Variants in CTNNA3 observed in about 807,000 individuals in gnomAD.
CTNNA3 encodes catenin alpha-3.
In CTNNA3, 76 loss-of-function variants were observed where a neutral mutation model predicts 95.7. The observed-to-expected ratio is 0.79, with a 90% CI of 0.66 to 0.96. The LOEUF (loss-of-function observed/expected upper bound fraction) is 0.96. Among genes scored for constraint, CTNNA3 ranks in the 40% least tolerant of loss-of-function variants. The pLI is 0.00. For missense variants in CTNNA3, 1,191 were observed against 1,089.8 expected (o/e 1.09, Z -1.31); for synonymous variants, 431 against 374.4 (o/e 1.15, Z -1.74).
At chr10:66,573,169 A>G (rs1842918665) in intron 10 of CTNNA3, among the ~76,000 whole-genome samples, 1 of 152,210 alleles carries the variant, frequency 6.6e-6, no homozygotes. Context: ...CTAGTTCACT[A>G]AAGTGTGATA....
At position 67,648,399 on chromosome 10, in the gene CTNNA3, G is replaced by C. The variant is rs538971016; in HGVS notation, c.-5-881C>G. ...CCACTGGCATCGTTGATTGCAAAGA[G>C]AGAGCACACTTCCTGAAATGTAGCA... On this transcript the variant is annotated intron_variant, in intron 1 of 17. Coordinates refer to ENST00000433211, the MANE Select transcript of CTNNA3 (RefSeq NM_013266.4). Among the ~76,000 whole-genome samples the C allele has an allele frequency of 5.9e-5, 9 of 152,276 alleles. No individual in the cohort carries two copies. The South Asian group carries it at 1.7e-3, about 28-fold the overall frequency.
At chr10:66,907,114 T>A (rs959545403) in intron 7 of CTNNA3, among the ~76,000 whole-genome samples, 4 of 152,168 alleles carry the variant, frequency 2.6e-5, no homozygotes, top group Non-Finnish European at 4.4e-5. Context: ...CAAAAATGTA[T>A]CTCTGTTCAT....
chr10:66,929,250 A>G (rs1053286989), intron 7 of CTNNA3, among the ~76,000 whole-genome samples: 16 of 152,248 alleles, frequency 1.1e-4, no homozygotes, highest in African/African-American at 3.6e-4. Context: ...TAAATGAAAC[A>G]GCATTGAGAA....
At chr10:65,962,162 C>G (rs1238887547) in intron 17 of CTNNA3, among the ~76,000 whole-genome samples, 2 of 152,124 alleles carry the variant, frequency 1.3e-5, no homozygotes, top group East Asian at 1.9e-4. Flanking sequence ...TGGCATCCAA[C>G]ATATTTTCAC....
intron 11 of CTNNA3, among the ~76,000 whole-genome samples, chr10:66,451,082 A>T (rs2093460814): frequency 1.3e-5 from 2 of 151,966 alleles, no homozygotes; most frequent in Non-Finnish European, 2.9e-5. Context: ...ACACACATAC[A>T]CTCACATACA....
chr10:66,283,541 C>G (rs2091530733), intron 12 of CTNNA3, among the ~76,000 whole-genome samples: 1 of 151,810 alleles, frequency 6.6e-6, no homozygotes, highest in Non-Finnish European at 1.5e-5. Flanking sequence ...CAAAAAAATA[C>G]AACACAGCCT....
In CTNNA3 at chr10:65,969,120, A is replaced by G. The variant is rs569918164; in HGVS notation, c.2266-2374T>C. ...CTTGTAGGTGGAACTGAACCGCCCAATATGAAACCTGCTGACAGAAAGGTG... is the reference window on the plus strand; with the variant it reads ...CTTGTAGGTGGAACTGAACCGCCCAGTATGAAACCTGCTGACAGAAAGGTG... On this transcript the variant is annotated intron_variant, in intron 16 of 17. Coordinates refer to ENST00000433211, the MANE Select transcript of CTNNA3 (RefSeq NM_013266.4). Among the ~76,000 whole-genome samples, 8 of 152,162 alleles carry G rather than the reference A, an allele frequency of 5.3e-5. No individual in the cohort carries two copies. The South Asian group carries it at 6.2e-4, about 12-fold the overall frequency.
At chr10:66,101,847 C>A (rs1020516726) in intron 14 of CTNNA3, among the ~76,000 whole-genome samples, 5 of 152,192 alleles carry the variant, frequency 3.3e-5, no homozygotes, top group African/African-American at 9.6e-5. Context: ...ATATTACATT[C>A]TTAGGGAATA....
chr10:66,883,135 G>A (rs1844909383), intron 7 of CTNNA3, among the ~76,000 whole-genome samples: 1 of 152,086 alleles, frequency 6.6e-6, no homozygotes, highest in South Asian at 2.1e-4. Context: ...TCACTGTACT[G>A]CAAGAAAGAA....
intron 13 of CTNNA3, among the ~76,000 whole-genome samples, chr10:66,191,119 C>G (rs1166754919): frequency 6.6e-6 from 1 of 152,070 alleles, no homozygotes; most frequent in Non-Finnish European, 1.5e-5. Flanking sequence ...TTGACACTAA[C>G]AAAGAAGGAC....
At chr10:66,204,266 T>G (rs1300519933) in intron 13 of CTNNA3, among the ~76,000 whole-genome samples, 1 of 152,174 alleles carries the variant, frequency 6.6e-6, no homozygotes, top group Non-Finnish European at 1.5e-5. Context: ...GGTAGCTGAC[T>G]TAACCAGTCA....
rs1180489090 is a variant in CTNNA3 at position 65,999,688 on chromosome 10, C to T, written c.2160-10891G>A. ...GAAACTATGATAAATTTTTAAAATT[C>T]TCAGCCTGAAATGTACTATGTAATG... is the stretch of plus-strand genomic sequence containing the variant. On this transcript the variant is annotated intron_variant, in intron 15 of 17. Coordinates refer to ENST00000433211, the MANE Select transcript of CTNNA3 (RefSeq NM_013266.4). 2.6e-5 allele frequency among the ~76,000 whole-genome samples: 4 copies of T among 152,098 alleles called. No individual in the cohort carries two copies. In the East Asian group the frequency reaches 7.7e-4, roughly 29 times the overall value.
chr10:67,095,626 A>G (rs1292132338), intron 7 of CTNNA3, among the ~76,000 whole-genome samples: 1 of 151,874 alleles, frequency 6.6e-6, no homozygotes, highest in African/African-American at 2.4e-5. Flanking sequence ...ATCACCATAG[A>G]AATTACAAAT....
chr10:66,303,781 G>A (rs1461716536), intron 12 of CTNNA3, among the ~76,000 whole-genome samples: 5 of 152,064 alleles, frequency 3.3e-5, no homozygotes, highest in Non-Finnish European at 5.9e-5. Context: ...TTTTAGTAGA[G>A]ACAGGGTTTC....
At chr10:66,894,827 G>A (rs1254358708) in intron 7 of CTNNA3, among the ~76,000 whole-genome samples, 1 of 151,670 alleles carries the variant, frequency 6.6e-6, no homozygotes, top group Non-Finnish European at 1.5e-5. Context: ...AAACCAATTA[G>A]CTGTGGCACC....
chr10:66,509,875 G>T (rs1388228115), intron 11 of CTNNA3, among the ~76,000 whole-genome samples: 2 of 151,690 alleles, frequency 1.3e-5, no homozygotes, highest in Non-Finnish European at 2.9e-5. Context: ...TATTGCATTG[G>T]GTATTTGGGG....
At chr10:67,492,643 G>A (rs1399943321) in intron 5 of CTNNA3, among the ~76,000 whole-genome samples, 1 of 152,206 alleles carries the variant, frequency 6.6e-6, no homozygotes, top group Admixed American at 6.5e-5. Context: ...AGATTAATCA[G>A]AGAAATCCAC....
At chr10:66,165,354 G>T (rs1296958122) in intron 13 of CTNNA3, among the ~76,000 whole-genome samples, 2 of 151,898 alleles carry the variant, frequency 1.3e-5, no homozygotes, top group Non-Finnish European at 1.5e-5. Flanking sequence ...CTAATTATTG[G>T]GCACCATACT....
chr10:65,957,307 G>T (rs1334585343), intron 17 of CTNNA3, among the ~76,000 whole-genome samples: 4 of 152,154 alleles, frequency 2.6e-5, no homozygotes, highest in African/African-American at 4.8e-5. Context: ...TGGGTCTCCT[G>T]AATACAGCAT....
Sources: gnomAD v4.1 joint callset for allele counts (sites outside exome capture counted in the v4.1 genomes callset) on GRCh38, gnomAD v4.1.1 for gene constraint, MANE v1.5 for transcripts, NCBI Gene and HGNC (gene_info 2026-07-23, HGNC 2026-07-21) for gene names.